The following NNT variants were observed in gnomAD, a reference collection of about 807,000 sequenced individuals.
The protein encoded by NNT is NAD(P) transhydrogenase, mitochondrial.
Under a neutral mutation model 104.8 loss-of-function variants are expected in NNT, and 50 were observed. The ratio of observed to expected loss-of-function variants is 0.48; its 90% confidence interval spans 0.38 to 0.60. The LOEUF is 0.60. NNT is among the 20% of genes least tolerant of loss of function. NNT has a pLI of 0.00. For synonymous variants in NNT, 461 were observed against 490.4 expected, an observed-to-expected ratio of 0.94 and a Z score of 0.79; for missense variants, 1,131 against 1,330.7, an observed-to-expected ratio of 0.85 and a Z score of 2.33.
At chr5:43,629,345 ATATATG>A (rs1325654878) in intron 7 of NNT, among the ~76,000 whole-genome samples, 6 of 152,136 alleles carry the variant, frequency 3.9e-5, no homozygotes, top group African/African-American at 1.2e-4. Flanking sequence ...TGGTGTGTGT[ATATATG>A]TATATGTATG....
At chr5:43,632,573 C>A (rs532643706) in intron 7 of NNT, among the ~76,000 whole-genome samples, 2 of 152,284 alleles carry the variant, frequency 1.3e-5, no homozygotes, top group Non-Finnish European at 2.9e-5. Context: ...ATCTCACCCC[C>A]CTATTGGGTT....
At chr5:43,626,790 A>ATG (rs1397022085) in intron 6 of NNT, among the ~76,000 whole-genome samples, 1 of 150,558 alleles carries the variant, frequency 6.6e-6, no homozygotes, top group Non-Finnish European at 1.5e-5. Context: ...ACATATATGT[A>ATG]TGTGTATATA....
intron 17 of NNT, among the ~76,000 whole-genome samples, chr5:43,667,933 G>A (rs189687347): frequency 3.3e-5 from 5 of 152,302 alleles, no homozygotes; most frequent in African/African-American, 1.2e-4. Flanking sequence ...AGCACCTGTT[G>A]TTTCCTGACT....
intron 8 of NNT, 32 bp from the exon 9 acceptor site, chr5:43,644,579 A>C (rs1414352763): frequency 6.4e-7 from 1 of 1,558,578 alleles, no homozygotes; most frequent in Non-Finnish European, 8.7e-7. Flanking sequence ...ATAGGGTGAT[A>C]GACCTTTTTG....
intron 7 of NNT, among the ~76,000 whole-genome samples, chr5:43,633,398 C>G (rs1750781219): frequency 6.6e-6 from 1 of 152,174 alleles, no homozygotes; most frequent in Non-Finnish European, 1.5e-5. Context: ...GGCCAAGATA[C>G]TTTTTTGCCT....
intron 18 of NNT, among the ~76,000 whole-genome samples, chr5:43,676,423 T>C (rs1260185414): frequency 6.6e-6 from 1 of 152,214 alleles, no homozygotes; most frequent in African/African-American, 2.4e-5. Flanking sequence ...GAAGTAAAAA[T>C]AGGAGACATT....
chr5:43,666,861 C>T (rs1740727599), intron 17 of NNT: 1 of 1,500,244 alleles, frequency 6.7e-7, no homozygotes, highest in African/African-American at 1.4e-5. Flanking sequence ...GATCCTTGGC[C>T]TTGGCCTTTG....
chr5:43,651,510 G>A (rs949688649), intron 12 of NNT, among the ~76,000 whole-genome samples: 4 of 151,990 alleles, frequency 2.6e-5, no homozygotes, highest in African/African-American at 4.8e-5. Flanking sequence ...CCTGGGAGGC[G>A]GAGATTGCAG....
At chr5:43,667,750 C>T (rs1222975836) in intron 17 of NNT, among the ~76,000 whole-genome samples, 5 of 152,296 alleles carry the variant, frequency 3.3e-5, no homozygotes, top group Admixed American at 1.3e-4. Context: ...GTCTTTATAG[C>T]AGCATGATTT....
intron 17 of NNT, among the ~76,000 whole-genome samples, chr5:43,670,447 C>G (rs1024602015): frequency 6.6e-6 from 1 of 152,192 alleles, no homozygotes; most frequent in African/African-American, 2.4e-5. Flanking sequence ...CTACGCACTG[C>G]TTTGAATGTG....
intron 19 of NNT, among the ~76,000 whole-genome samples, chr5:43,694,855 T>C (rs1160150872): frequency 5.3e-5 from 8 of 151,992 alleles, no homozygotes; most frequent in Non-Finnish European, 1.2e-4. Flanking sequence ...TCCTTGGTTT[T>C]TTCGAATCAT....
chr5:43,639,545 T>C (rs946178846), intron 7 of NNT, among the ~76,000 whole-genome samples: 11 of 152,170 alleles, frequency 7.2e-5, no homozygotes, highest in Admixed American at 1.3e-4. Flanking sequence ...TTGACCAACC[T>C]TTGAATGCAG....
At chr5:43,664,715 T>G (rs944075692) in intron 17 of NNT, among the ~76,000 whole-genome samples, 1 of 152,052 alleles carries the variant, frequency 6.6e-6, no homozygotes, top group Non-Finnish European at 1.5e-5. Context: ...GATAGTCTCA[T>G]TAATCATTTA....
intron 1 of NNT, among the ~76,000 whole-genome samples, chr5:43,605,250 C>T (rs1579959629): frequency 6.6e-6 from 1 of 152,198 alleles, no homozygotes; most frequent in African/African-American, 2.4e-5. Flanking sequence ...GGCGCGGTGG[C>T]TCACGCCTGT....
At chr5:43,662,292 C>G in intron 17 of NNT, among the ~76,000 whole-genome samples, 1 of 152,130 alleles carries the variant, frequency 6.6e-6, no homozygotes, top group East Asian at 1.9e-4. Context: ...TTCTGTAACA[C>G]TAGAATAAGG....
chr5:43,687,833 A>T (rs1368537300), intron 19 of NNT, among the ~76,000 whole-genome samples: 1 of 152,204 alleles, frequency 6.6e-6, no homozygotes, highest in African/African-American at 2.4e-5. Context: ...GAGAACAAAT[A>T]TATTCAGAGG....
At chr5:43,609,430 A>T in intron 2 of NNT, 84 bp downstream of exon 2, 1 of 1,300,800 alleles carries the variant, frequency 7.7e-7, no homozygotes, top group Non-Finnish European at 1.1e-6. Context: ...AGGAAAAGCC[A>T]TGTAGTTTTA....
intron 17 of NNT, among the ~76,000 whole-genome samples, chr5:43,670,906 G>T (rs113331713): frequency 0.066 from 10,063 of 152,100 alleles, 557 homozygotes; most frequent in African/African-American, 0.15. Flanking sequence ...CGTTATTATT[G>T]TATGGGAGTC....
chr5:43,607,473 A>G (rs1318181385), intron 1 of NNT, among the ~76,000 whole-genome samples: 1 of 152,076 alleles, frequency 6.6e-6, no homozygotes, highest in African/African-American at 2.4e-5. Flanking sequence ...AAATCCTATA[A>G]AACTGCCCCA....
Sources: allele counts gnomAD v4.1 joint callset (sites outside exome capture counted in the v4.1 genomes callset), GRCh38; gene constraint gnomAD v4.1.1; transcripts MANE v1.5; gene names NCBI Gene and HGNC (gene_info 2026-07-23, HGNC 2026-07-21).